The following CDK14 variants were observed in gnomAD, a reference collection of about 807,000 sequenced individuals.
CDK14 encodes the protein cyclin-dependent kinase 14.
Under a neutral mutation model 60.7 loss-of-function variants are expected in CDK14, and 34 were observed. The observed-to-expected ratio is 0.56, with a 90% CI of 0.43 to 0.75. The LOEUF is 0.75. CDK14 is among the 30% of genes least tolerant of loss of function. The probability of loss-of-function intolerance (pLI) is 0.00; values close to 1 mark genes in which losing one functional copy is unlikely to be tolerated. For synonymous variants in CDK14, 197 were observed against 203.7 expected, an observed-to-expected ratio of 0.97 and a Z score of 0.28; for missense variants, 482 against 564.1, an observed-to-expected ratio of 0.85 and a Z score of 1.47.
At chr7:90,945,130 T>G (rs1794063047) in intron 8 of CDK14, among the ~76,000 whole-genome samples, 1 of 152,242 alleles carries the variant, frequency 6.6e-6, no homozygotes, top group Non-Finnish European at 1.5e-5. Flanking sequence ...TGTTCTTTTA[T>G]TCCTTGGAAT....
rs184724400 is a variant in CDK14, at chr7:91,013,906, T to G, written c.1041+29665T>G. ...GAGTCTGTGTGACTAGCGAAATAAC[T>G]ATTAAAAATAGGGAAATTGAACTGG... is the stretch of plus-strand genomic sequence containing the variant. On this transcript the variant is annotated intron_variant, in intron 10 of 14. Transcript: ENST00000380050. 1.9e-3 allele frequency among the ~76,000 whole-genome samples: 290 copies of G among 152,182 alleles called. 1 individual carries two copies. Among genetic ancestry groups the G allele is most frequent in the Middle Eastern group, 0.01 (3 of 294 alleles).
chr7:91,057,777 G>A (rs1320622915), intron 11 of CDK14, among the ~76,000 whole-genome samples: 1 of 152,034 alleles, frequency 6.6e-6, no homozygotes, highest in Non-Finnish European at 1.5e-5. Flanking sequence ...CTCTGTTTTG[G>A]TACCAATACC....
chr7:90,879,769 G>T (rs961524359), intron 6 of CDK14, among the ~76,000 whole-genome samples: 1 of 151,102 alleles, frequency 6.6e-6, no homozygotes, highest in Admixed American at 6.6e-5. Flanking sequence ...AATAAAAGTC[G>T]CTGCTATTGT....
chr7:91,073,590 A>G (rs1324912400), intron 11 of CDK14, among the ~76,000 whole-genome samples: 1 of 152,212 alleles, frequency 6.6e-6, no homozygotes, highest in Non-Finnish European at 1.5e-5. Context: ...AAGAAACTGC[A>G]TCAACTAGTG....
intron 2 of CDK14, among the ~76,000 whole-genome samples, chr7:90,668,729 A>G (rs1402663241): frequency 2.4e-5 from 2 of 82,012 alleles, no homozygotes; most frequent in East Asian, 3.1e-4. Context: ...TTTTTTTTCA[A>G]CTGGGGCCTT....
At chr7:91,000,299 C>A (rs1342777871) in intron 10 of CDK14, among the ~76,000 whole-genome samples, 4 of 152,176 alleles carry the variant, frequency 2.6e-5, no homozygotes, top group African/African-American at 9.7e-5. Context: ...GAACTACAAA[C>A]CAGTCTTCTG....
At chr7:90,978,997 C>G (rs891194515) in intron 9 of CDK14, among the ~76,000 whole-genome samples, 2 of 151,980 alleles carry the variant, frequency 1.3e-5, no homozygotes, top group Admixed American at 6.6e-5. Context: ...GTCAAGATTT[C>G]ACAAACTTTG....
intron 10 of CDK14, among the ~76,000 whole-genome samples, chr7:90,984,957 A>G (rs1795332879): frequency 2.0e-5 from 3 of 152,352 alleles, no homozygotes; most frequent in African/African-American, 7.2e-5. Context: ...GAGACATGAC[A>G]AGTCAATGTT....
At chr7:91,174,383 T>G (rs1801650427) in intron 14 of CDK14, among the ~76,000 whole-genome samples, 1 of 149,120 alleles carries the variant, frequency 6.7e-6, no homozygotes, top group South Asian at 2.2e-4. Context: ...AACTGAAAAC[T>G]CTAAAACGCA....
intron 5 of CDK14, among the ~76,000 whole-genome samples, chr7:90,852,398 C>G (rs1351504513): frequency 5.9e-5 from 9 of 152,088 alleles, no homozygotes. Flanking sequence ...GTCACTCTAC[C>G]CTTTATAGGT....
At chr7:90,659,759 G>A (rs1858766) in intron 2 of CDK14, among the ~76,000 whole-genome samples, 46,292 of 151,760 alleles carry the variant, frequency 0.31, 7,946 homozygotes, top group East Asian at 0.67. Flanking sequence ...AGGGCGGTGG[G>A]AAAGTTCCAA....
At chr7:90,663,095 A>AAC (rs111918409) in intron 2 of CDK14, among the ~76,000 whole-genome samples, 9,821 of 131,822 alleles carry the variant, frequency 0.075, 363 homozygotes, top group Middle Eastern at 0.12. Context: ...CTAAGATGGG[A>AAC]ACACACACAC....
chr7:90,714,707 A>G (rs1408357297), intron 2 of CDK14, among the ~76,000 whole-genome samples: 1 of 152,054 alleles, frequency 6.6e-6, no homozygotes, highest in Non-Finnish European at 1.5e-5. Flanking sequence ...GTGATGCCCT[A>G]TATTTTCCTG....
At chr7:91,045,045 A>G (rs1029137682) in intron 10 of CDK14, among the ~76,000 whole-genome samples, 1 of 152,214 alleles carries the variant, frequency 6.6e-6, no homozygotes, top group Non-Finnish European at 1.5e-5. Context: ...CCAAGCTTAC[A>G]TGGCTGGTAA....
chr7:90,695,143 A>C (rs551372524), intron 2 of CDK14, among the ~76,000 whole-genome samples: 2 of 152,064 alleles, frequency 1.3e-5, no homozygotes, highest in Non-Finnish European at 2.9e-5. Flanking sequence ...TCTACACTTC[A>C]TCTTTCACCT....
At chr7:90,911,498 G>T (rs1486820998) in intron 7 of CDK14, among the ~76,000 whole-genome samples, 1 of 152,106 alleles carries the variant, frequency 6.6e-6, no homozygotes, top group Non-Finnish European at 1.5e-5. Context: ...TCTTCTGAAA[G>T]CCCTGAGAGA....
chr7:91,091,945 T>C (rs1798844812), intron 12 of CDK14, among the ~76,000 whole-genome samples: 1 of 152,102 alleles, frequency 6.6e-6, no homozygotes. Context: ...CAGCTTCTGA[T>C]TCATGTTAGA....
chr7:90,817,127 A>G (rs1176690159), intron 5 of CDK14, among the ~76,000 whole-genome samples: 1 of 152,232 alleles, frequency 6.6e-6, no homozygotes, highest in Non-Finnish European at 1.5e-5. Context: ...GAACTCTTCA[A>G]AAGACTATCA....
chr7:91,053,850 C>A (rs1197539335), intron 11 of CDK14, among the ~76,000 whole-genome samples: 1 of 152,120 alleles, frequency 6.6e-6, no homozygotes, highest in East Asian at 1.9e-4. Flanking sequence ...ACAGACCACA[C>A]CTGCAGTGAG....
Sources: allele counts gnomAD v4.1 joint callset (sites outside exome capture counted in the v4.1 genomes callset), GRCh38; gene constraint gnomAD v4.1.1; transcripts MANE v1.5; gene names NCBI Gene and HGNC (gene_info 2026-07-23, HGNC 2026-07-21).